Variants in GHR observed in about 807,000 individuals in gnomAD.
GHR encodes the protein GH receptor.
GHR carries 35 observed loss-of-function variants against 67.1 expected under a neutral mutation model. The ratio of observed to expected loss-of-function variants is 0.52; its 90% CI spans 0.40 to 0.69. The LOEUF is 0.69. Ranked by LOEUF, GHR falls within the 30% of genes least tolerant of loss-of-function variation. The pLI, the probability that GHR is intolerant of heterozygous loss-of-function variation, is 0.00. For synonymous variants in GHR, 272 were observed against 269.1 expected (o/e 1.01, Z -0.10); for missense variants, 792 against 764.6 (o/e 1.04, Z -0.42).
At chr5:42,698,569 G>A (rs1757785850) in intron 5 of GHR, among the ~76,000 whole-genome samples, 1 of 152,046 alleles carries the variant, frequency 6.6e-6, no homozygotes, top group African/African-American at 2.4e-5. Flanking sequence ...TAAAAAGGTG[G>A]TGTCGACCCC....
intron 2 of GHR, chr5:42,619,879 T>C (rs779912259): frequency 6.6e-6 from 1 of 152,134 alleles, no homozygotes; most frequent in African/African-American, 2.4e-5. Context: ...CTGAACAAGA[T>C]CTATGAATTT....
intron 1 of GHR, among the ~76,000 whole-genome samples, chr5:42,427,627 G>C (rs1403691953): frequency 2.0e-5 from 3 of 152,000 alleles, no homozygotes; most frequent in African/African-American, 7.3e-5. Context: ...CTTCCCAACA[G>C]TCCCCCAAAG....
At chr5:42,699,715 G>A in intron 5 of GHR, 109 bp from the exon 6 acceptor site, 2 of 784,692 alleles carry the variant, frequency 2.5e-6, no homozygotes, top group Non-Finnish European at 4.6e-6. Flanking sequence ...AGAAATAAGA[G>A]CATGAATGAT....
intron 3 of GHR, among the ~76,000 whole-genome samples, chr5:42,662,557 C>T (rs549563706): frequency 1.3e-5 from 2 of 152,164 alleles, no homozygotes; most frequent in East Asian, 3.9e-4. Flanking sequence ...TTGAAACCAA[C>T]AAGAACAAAG....
At chr5:42,449,474 G>A (rs1057246708) in intron 1 of GHR, among the ~76,000 whole-genome samples, 21 of 152,164 alleles carry the variant, frequency 1.4e-4, no homozygotes, top group Non-Finnish European at 2.4e-4. Context: ...ACTGATTTGT[G>A]TACATTGATT....
At chr5:42,483,072 C>G (rs1465240226) in intron 1 of GHR, among the ~76,000 whole-genome samples, 1 of 152,210 alleles carries the variant, frequency 6.6e-6, no homozygotes, top group Admixed American at 6.5e-5. Flanking sequence ...CACACTTACT[C>G]TCTCTTTATT....
At chr5:42,534,942 C>G (rs1373106485) in intron 1 of GHR, among the ~76,000 whole-genome samples, 4 of 151,748 alleles carry the variant, frequency 2.6e-5, no homozygotes, top group African/African-American at 9.7e-5. Flanking sequence ...TCACATATTT[C>G]TTGGCCATTT....
rs188274511 is a variant in GHR at position 42,692,467 on chromosome 5, A to G, written c.267-2450A>G. 7.2e-5 allele frequency among the ~76,000 whole-genome samples: 11 copies of G among 152,298 alleles called. No individual in the cohort carries two copies. In the East Asian group the frequency reaches 1.7e-3, roughly 24 times the overall value. Reference sequence around the variant, plus strand: ...TCAACCCAGAGAAGGCAAGTGACACAGTATCTGTTTTATGAGCTAATTTGG... The same window carrying G: ...TCAACCCAGAGAAGGCAAGTGACACGGTATCTGTTTTATGAGCTAATTTGG... On this transcript the variant is annotated intron_variant, in intron 4 of 9. Coordinates refer to ENST00000230882, the MANE Select transcript of GHR (RefSeq NM_000163.5).
chr5:42,424,609 A>T lies in GHR; in HGVS notation c.-12+654A>T, dbSNP rs1014981594. On this transcript the variant is annotated intron_variant, in intron 1 of 9. Coordinates refer to ENST00000230882, the MANE Select transcript of GHR (RefSeq NM_000163.5). The surrounding 1 kb of genome is among the most constrained non-coding windows in gnomAD (Gnocchi z 4.1). ...TCCGCATGAACTGGGGTAAGTGGAAATTGTGGCGAGCCGACCTCCCCCAGC... is the reference window on the plus strand; with the variant it reads ...TCCGCATGAACTGGGGTAAGTGGAATTTGTGGCGAGCCGACCTCCCCCAGC... 4 of 1,534,244 alleles carry T rather than the reference A, an allele frequency of 2.6e-6. No homozygotes were observed. The highest frequency in any genetic ancestry group is 3.5e-6 in the Non-Finnish European group (4 of 1,145,766).
chr5:42,703,031 C>T (rs1758005886), intron 6 of GHR, among the ~76,000 whole-genome samples: 1 of 151,894 alleles, frequency 6.6e-6, no homozygotes, highest in Admixed American at 6.6e-5. Flanking sequence ...TTGATTGTTT[C>T]CTTGGCAGTG....
intron 2 of GHR, among the ~76,000 whole-genome samples, chr5:42,601,770 A>G (rs902628588): frequency 6.6e-6 from 1 of 152,112 alleles, no homozygotes; most frequent in Non-Finnish European, 1.5e-5. Flanking sequence ...AGATCCTGCT[A>G]CTATTTTAGT....
chr5:42,576,099 T>TAATA (rs1554021414), intron 2 of GHR, among the ~76,000 whole-genome samples: 1,437 of 69,098 alleles, frequency 0.021, 40 homozygotes, highest in Middle Eastern at 0.042. Flanking sequence ...TAAAATAAAA[T>TAATA]AAATAAAATA....
intron 3 of GHR, among the ~76,000 whole-genome samples, chr5:42,637,859 A>G (rs1384499850): frequency 6.6e-6 from 1 of 152,136 alleles, no homozygotes; most frequent in Non-Finnish European, 1.5e-5. Flanking sequence ...TTCTGTTTTA[A>G]TTTCCTTGAG....
chr5:42,638,762 A>G (rs1754324583), intron 3 of GHR, among the ~76,000 whole-genome samples: 1 of 152,216 alleles, frequency 6.6e-6, no homozygotes, highest in Non-Finnish European at 1.5e-5. Context: ...TGTTTGCAGC[A>G]TTGATATATA....
At chr5:42,532,128 A>G (rs1045473701) in intron 1 of GHR, among the ~76,000 whole-genome samples, 1 of 152,070 alleles carries the variant, frequency 6.6e-6, no homozygotes, top group Non-Finnish European at 1.5e-5. Context: ...CTGTGAAGAA[A>G]ATGCTCCTGA....
intron 5 of GHR, among the ~76,000 whole-genome samples, chr5:42,696,834 C>G (rs554528386): frequency 2.0e-5 from 3 of 152,048 alleles, no homozygotes; most frequent in African/African-American, 7.2e-5. Flanking sequence ...ATAATGAAAC[C>G]GAGGCACAGA....
chr5:42,654,283 T>C (rs1273312423), intron 3 of GHR, among the ~76,000 whole-genome samples: 6 of 152,198 alleles, frequency 3.9e-5, no homozygotes, highest in African/African-American at 1.4e-4. Flanking sequence ...TGTGGTTTTC[T>C]TGAGCATTAA....
intron 1 of GHR, among the ~76,000 whole-genome samples, chr5:42,476,331 T>A (rs1298562129): frequency 6.6e-6 from 1 of 151,784 alleles, no homozygotes; most frequent in Non-Finnish European, 1.5e-5. Context: ...GTGATTCCCC[T>A]GCCTCAGCCT....
intron 3 of GHR, among the ~76,000 whole-genome samples, chr5:42,685,467 G>C (rs941070191): frequency 6.6e-6 from 1 of 152,208 alleles, no homozygotes; most frequent in Non-Finnish European, 1.5e-5. Flanking sequence ...CCAGTGATGG[G>C]ATTGCTGGGT....
Sources: gnomAD v4.1 joint callset for allele counts (sites outside exome capture counted in the v4.1 genomes callset) on GRCh38, gnomAD v4.1.1 for gene constraint, Gnocchi (gnomAD v3.1) non-coding constraint, MANE v1.5 for transcripts, NCBI Gene and HGNC (gene_info 2026-07-23, HGNC 2026-07-21) for gene names.